Variants in KCNQ3 observed in about 807,000 individuals in gnomAD.
KCNQ3 encodes the protein potassium voltage-gated channel subfamily Q member 3, also known as potassium voltage-gated channel subfamily KQT member 3.
KCNQ3 carries 30 observed loss-of-function variants against 92.5 expected under a neutral mutation model. The ratio of observed to expected loss-of-function variants is 0.32; its 90% CI spans 0.24 to 0.44. The LOEUF is 0.44. Among genes scored for constraint, KCNQ3 ranks in the 20% least tolerant of loss-of-function variants. KCNQ3 has a pLI of 1.00. For synonymous variants in KCNQ3, 450 were observed against 468.8 expected (o/e 0.96, Z 0.52); for missense variants, 913 against 1,140.3 (o/e 0.80, Z 2.87).
chr8:132,136,037 TGAACCCGG>T (rs1252380657), intron 12 of KCNQ3, among the ~76,000 whole-genome samples: 1 of 141,692 alleles, frequency 7.1e-6, no homozygotes, highest in Non-Finnish European at 1.5e-5. Context: ...GAGAATCACT[TGAACCCGG>T]GAGGCAGAGG....
chr8:132,413,267 T>G (rs1820703868), intron 1 of KCNQ3, among the ~76,000 whole-genome samples: 1 of 152,238 alleles, frequency 6.6e-6, no homozygotes. Context: ...ACCCAGCTCC[T>G]ACCTATACAT....
At chr8:132,334,993 T>TCTTCCTTCCTTCCTTCCTTC (rs68135959) in intron 1 of KCNQ3, among the ~76,000 whole-genome samples, 6 of 149,516 alleles carry the variant, frequency 4.0e-5, no homozygotes, top group African/African-American at 1.5e-4. Flanking sequence ...TAGACATTTT[T>TCTTCCTTCCTTCCTTCCTTC]CTTCCTTCCT....
At chr8:132,203,289 A>T (rs2130266180) in intron 1 of KCNQ3, among the ~76,000 whole-genome samples, 1 of 152,150 alleles carries the variant, frequency 6.6e-6, no homozygotes, top group East Asian at 1.9e-4. Flanking sequence ...CATGATACGA[A>T]CTGTGTGTTA....
intron 6 of KCNQ3, 39 bp downstream of exon 6, chr8:132,174,200 C>T (rs1405527151): frequency 2.1e-6 from 3 of 1,420,702 alleles, no homozygotes; most frequent in Non-Finnish European, 1.9e-6. Flanking sequence ...AGGGGTCCTG[C>T]ACGTCACATT....
intron 1 of KCNQ3, among the ~76,000 whole-genome samples, chr8:132,349,870 C>T (rs138870851): frequency 0.012 from 1,765 of 152,338 alleles, 16 homozygotes; most frequent in Non-Finnish European, 0.02. Flanking sequence ...GCTTGTTACA[C>T]AGCATTTTTG....
chr8:132,228,347 C>T (rs768265764), intron 1 of KCNQ3, among the ~76,000 whole-genome samples: 1 of 151,928 alleles, frequency 6.6e-6, no homozygotes, highest in Non-Finnish European at 1.5e-5. Flanking sequence ...TTCATCCATC[C>T]ATCTATCCAT....
rs78630309 is a variant in KCNQ3 at position 132,190,932 on chromosome 8, T to A, written c.387-4751A>T. Among the ~76,000 whole-genome samples the A allele has an allele frequency of 1.5e-3, 225 of 152,358 alleles. 2 individuals are homozygous for A. The East Asian group carries it at 0.036, about 24-fold the overall frequency. ...CTCTGCTCATGGAGGGCAGAGACTA[T>A]GTCTTGTTCCTCTCTGTATCTCAGT... is the stretch of plus-strand genomic sequence containing the variant. On this transcript the variant is annotated intron_variant, in intron 1 of 14. Coordinates refer to ENST00000388996, the MANE Select transcript of KCNQ3 (RefSeq NM_004519.4).
intron 1 of KCNQ3, among the ~76,000 whole-genome samples, chr8:132,213,152 T>C (rs993618648): frequency 6.6e-6 from 1 of 152,182 alleles, no homozygotes; most frequent in African/African-American, 2.4e-5. Flanking sequence ...GGCCTTCACA[T>C]TGATCTTCAT....
At chr8:132,172,075 T>A (rs779237785) in intron 7 of KCNQ3, among the ~76,000 whole-genome samples, 9 of 152,016 alleles carry the variant, frequency 5.9e-5, no homozygotes, top group Admixed American at 3.3e-4. Context: ...TGGTCCCAAC[T>A]ACTCAGGAGG....
At chr8:132,164,906 T>C (rs1056165133) in intron 8 of KCNQ3, among the ~76,000 whole-genome samples, 11 of 152,120 alleles carry the variant, frequency 7.2e-5, no homozygotes, top group African/African-American at 1.9e-4. Context: ...GATCTACCCA[T>C]GGTCTCACCA....
chr8:132,316,435 C>A (rs549134720), intron 1 of KCNQ3, among the ~76,000 whole-genome samples: 1 of 152,298 alleles, frequency 6.6e-6, no homozygotes, highest in South Asian at 2.1e-4. Flanking sequence ...TGACTTGGGG[C>A]AAGATCCTGA....
chr8:132,348,526 C>T (rs1050549631), intron 1 of KCNQ3, among the ~76,000 whole-genome samples: 8 of 152,220 alleles, frequency 5.3e-5, no homozygotes, highest in African/African-American at 1.9e-4. Context: ...CACTGGCCAC[C>T]TCAGGCTGTA....
intron 1 of KCNQ3, among the ~76,000 whole-genome samples, chr8:132,467,485 T>C (rs938751668): frequency 6.6e-6 from 1 of 152,076 alleles, no homozygotes; most frequent in African/African-American, 2.4e-5. Flanking sequence ...TATAGGACTC[T>C]TGGTAGAGAA....
At chr8:132,312,278 G>C (rs946607909) in intron 1 of KCNQ3, among the ~76,000 whole-genome samples, 14 of 152,290 alleles carry the variant, frequency 9.2e-5, no homozygotes, top group Non-Finnish European at 1.8e-4. Context: ...AGAGGCCCAG[G>C]GTCTGCATTC....
At chr8:132,214,688 C>T (rs1813969059) in intron 1 of KCNQ3, among the ~76,000 whole-genome samples, 2 of 152,240 alleles carry the variant, frequency 1.3e-5, no homozygotes, top group South Asian at 4.1e-4. Flanking sequence ...AATGACATTG[C>T]CACATGGCAA....
In KCNQ3 at chr8:132,121,461, C is replaced by T. The variant is rs1312054216; in HGVS notation, c.*7801G>A. Reference sequence around the variant, plus strand: ...TCTGATCCTTGGCAAAATGGCTGCCCCAAATCTTGCAACTTGGCCACCACC... The same window carrying T: ...TCTGATCCTTGGCAAAATGGCTGCCTCAAATCTTGCAACTTGGCCACCACC... On this transcript the variant is annotated 3_prime_UTR_variant, in exon 15 of 15. Transcript: ENST00000388996. 1 of 152,220 alleles carries T rather than the reference C, an allele frequency of 6.6e-6. No homozygotes were observed. Among genetic ancestry groups the T allele is most frequent in the East Asian group, 1.9e-4 (1 of 5,196 alleles). The allele number at this position is 152,220 out of a possible 1,614,324, so 9.4% of individuals were successfully genotyped here.
chr8:132,184,257 C>A lies in KCNQ3; in HGVS notation c.588G>T (p.Lys196Asn), dbSNP rs971920539. 11 of 1,614,084 alleles carry A rather than the reference C, an allele frequency of 6.8e-6. No homozygotes were observed. Among genetic ancestry groups the A allele is most frequent in the Non-Finnish European group, 7.6e-6 (9 of 1,180,044 alleles). ...GWRGRLKFAR[K>N]PLCMLDIFVL... ...AGGACTTACCCAACATGCACAGGGG[C>A]TTCCTGGCAAACTTCAGTCGGCCCC... The change falls in exon 3 of 15, where the codon AAG (lysine) becomes AAT (asparagine). Residue 196 changes from lysine (K) to asparagine (N), a missense_variant. This residue lies in a region of KCNQ3 where 100 missense variants were observed against 217.6 expected (regional missense o/e 0.46). Transcript: ENST00000388996.
chr8:132,351,577 G>A (rs1022384771), intron 1 of KCNQ3, among the ~76,000 whole-genome samples: 1 of 152,202 alleles, frequency 6.6e-6, no homozygotes, highest in Admixed American at 6.5e-5. Context: ...AGTGGCTGTG[G>A]GGCTGGAAGT....
rs564175319 is a variant in KCNQ3 at position 132,127,252 on chromosome 8, A to ATAT, written c.*2007_*2009dup. 47 of 152,240 alleles carry ATAT rather than the reference A, an allele frequency of 3.1e-4. 1 individual carries two copies. In the East Asian group the frequency reaches 8.1e-3, roughly 26 times the overall value. 9.4% of individuals were successfully genotyped at this position (152,240 alleles called of 1,614,324 possible). A position where few individuals can be genotyped will look rare whatever the true frequency, so the allele number is the denominator to read the frequency against. ...TGTCTGATGCATTGAGCATTCTGGTATATTTCCCATCTCAGACTTCAAGGT... is the reference window on the plus strand; with the variant it reads ...TGTCTGATGCATTGAGCATTCTGGTATATTATTTCCCATCTCAGACTTCAAGGT... On this transcript the variant is annotated 3_prime_UTR_variant, in exon 15 of 15. Coordinates refer to ENST00000388996, the MANE Select transcript of KCNQ3 (RefSeq NM_004519.4).
Sources: allele counts gnomAD v4.1 joint callset (sites outside exome capture counted in the v4.1 genomes callset), GRCh38; gene constraint gnomAD v4.1.1; regional missense constraint gnomAD v4.1.1; transcripts MANE v1.5; gene names NCBI Gene and HGNC (gene_info 2026-07-23, HGNC 2026-07-21).